ZMAT3: variants seen among roughly 807,000 people sequenced by gnomAD.
ZMAT3 encodes the protein zinc finger matrin-type protein 3.
ZMAT3 carries 17 observed loss-of-function variants against 32.3 expected under a neutral mutation model. The observed-to-expected ratio is 0.53, with a 90% CI of 0.36 to 0.79. ZMAT3 has a LOEUF of 0.79. Ranked by LOEUF, ZMAT3 falls within the 30% of genes least tolerant of loss-of-function variation. The probability of loss-of-function intolerance (pLI) is 0.00; values close to 1 mark genes in which losing one functional copy is unlikely to be tolerated. For synonymous variants in ZMAT3, 120 were observed against 133.1 expected (o/e 0.90, Z 0.68); for missense variants, 329 against 359.7 (o/e 0.91, Z 0.69).
chr3:179,020,217 G>A lies in ZMAT3; in HGVS notation c.*4800C>T, dbSNP rs1718475450. On this transcript the variant is annotated 3_prime_UTR_variant, in exon 6 of 6. Transcript: ENST00000311417. ...CTTGCTAAAGGCACTCAGATTCTGG[G>A]CTTAACGGAGACAAGGTCACATGGG... 1 of 152,102 alleles carries A rather than the reference G, an allele frequency of 6.6e-6. No individual in the cohort carries two copies. Among genetic ancestry groups the A allele is most frequent in the African/African-American group, 2.4e-5 (1 of 41,412 alleles). 9.4% of individuals were successfully genotyped at this position (152,102 alleles called of 1,614,324 possible). A position where few individuals can be genotyped will look rare whatever the true frequency, so the allele number is the denominator to read the frequency against.
At chr3:179,026,292 A>C (rs1718863146) in intron 5 of ZMAT3, among the ~76,000 whole-genome samples, 1 of 151,452 alleles carries the variant, frequency 6.6e-6, no homozygotes, top group South Asian at 2.1e-4. Context: ...CTTTCATCCA[A>C]TTTAACATTT....
intron 2 of ZMAT3, among the ~76,000 whole-genome samples, chr3:179,032,880 C>T (rs904969164): frequency 6.0e-5 from 9 of 150,926 alleles, no homozygotes; most frequent in Admixed American, 5.3e-4. Flanking sequence ...GGGCAGCCCC[C>T]GCCCGGCCGC....
intron 2 of ZMAT3, among the ~76,000 whole-genome samples, chr3:179,043,756 C>A (rs1421468360): frequency 6.6e-6 from 1 of 152,100 alleles, no homozygotes; most frequent in Non-Finnish European, 1.5e-5. Context: ...TTCTGCACAG[C>A]AAAAGAAACT....
In ZMAT3 at chr3:179,067,530, A is replaced by G; in HGVS notation, c.223T>C (p.Cys75Arg). 1 of 1,614,236 alleles carries G rather than the reference A, an allele frequency of 6.2e-7. No individual in the cohort carries two copies. The highest frequency in any genetic ancestry group is 8.5e-7 in the Non-Finnish European group (1 of 1,180,036). The change falls in exon 2 of 6, where the codon TGC (cysteine) becomes CGC (arginine). Residue 75 changes from cysteine (C) to arginine (R), a missense_variant. Transcript: ENST00000311417. ...ELCKPLYCKL[C>R]NVTLNSAQQA... ...TGTGCAGAGTTCAAGGTGACATTGCAGAGTTTGCAGTACAGGGGCTTACAT... is the reference window on the plus strand; with the variant it reads ...TGTGCAGAGTTCAAGGTGACATTGCGGAGTTTGCAGTACAGGGGCTTACAT...
chr3:179,063,189 A>G (rs931773435), intron 2 of ZMAT3, among the ~76,000 whole-genome samples: 2 of 152,234 alleles, frequency 1.3e-5, no homozygotes, highest in Non-Finnish European at 2.9e-5. Flanking sequence ...TTCTCAGTCC[A>G]CTGCAAGTCC....
intron 2 of ZMAT3, among the ~76,000 whole-genome samples, chr3:179,048,637 A>G (rs1452633238): frequency 6.6e-6 from 1 of 152,226 alleles, no homozygotes. Context: ...CTACCAAGCC[A>G]GCATTACAAG....
chr3:179,046,430 G>A lies in ZMAT3; in HGVS notation c.271-15431C>T, dbSNP rs1179964635. On this transcript the variant is annotated intron_variant, in intron 2 of 5. Transcript: ENST00000311417. The surrounding 1 kb of genome is among the most constrained non-coding windows in gnomAD (Gnocchi z 4.3). ...CTCCCACTCAGATGGACAGAGCAGT[G>A]TGTGGAGACCCATATCATGAAATTT... 2.0e-5 allele frequency among the ~76,000 whole-genome samples: 3 copies of A among 152,228 alleles called. No individual in the cohort carries two copies. Among genetic ancestry groups the A allele is most frequent in the Non-Finnish European group, 4.4e-5 (3 of 68,040 alleles).
intron 2 of ZMAT3, among the ~76,000 whole-genome samples, chr3:179,036,946 C>G (rs114795308): frequency 1.3e-5 from 2 of 152,122 alleles, no homozygotes; most frequent in Non-Finnish European, 2.9e-5. Context: ...CCAATCAGCA[C>G]GCACTCCCCC....
At chr3:179,034,588 A>G (rs979901111) in intron 2 of ZMAT3, among the ~76,000 whole-genome samples, 5 of 152,094 alleles carry the variant, frequency 3.3e-5, no homozygotes, top group African/African-American at 9.7e-5. Flanking sequence ...CAAATCATCA[A>G]TCTCCATCTT....
Position 179,024,866 on chromosome 3 carries a change from A to AC in ZMAT3, c.*150_*151insG. 9.4e-6 allele frequency: 4 copies of AC among 424,758 alleles called. No homozygotes were observed. Among genetic ancestry groups the AC allele is most frequent in the Non-Finnish European group, 1.3e-5 (3 of 238,454 alleles). 26.3% of individuals were successfully genotyped at this position (424,758 alleles called of 1,614,324 possible). ...CCCCCCGCCCCGCCCCCGGGCCCCC[A>AC]GGTTTTGACATCTCATGGTACCACT... On this transcript the variant is annotated 3_prime_UTR_variant, in exon 6 of 6. Transcript: ENST00000311417.
At chr3:179,027,329 A>G in intron 5 of ZMAT3, 94 bp downstream of exon 5, 1 of 1,157,224 alleles carries the variant, frequency 8.6e-7, no homozygotes, top group Non-Finnish European at 1.2e-6. Context: ...ACTAACTCCA[A>G]ATTCTCAGGG....
intron 2 of ZMAT3, among the ~76,000 whole-genome samples, chr3:179,064,680 C>A (rs1721316583): frequency 1.3e-5 from 2 of 152,198 alleles, no homozygotes; most frequent in Admixed American, 1.3e-4. Context: ...ATCTTCCCGC[C>A]TCAGCCTCCC....
At chr3:179,038,968 A>C (rs1185441607) in intron 2 of ZMAT3, among the ~76,000 whole-genome samples, 1 of 152,270 alleles carries the variant, frequency 6.6e-6, no homozygotes, top group Non-Finnish European at 1.5e-5. Flanking sequence ...CTAGCGCAGC[A>C]GTCTGAGATC....
intron 2 of ZMAT3, among the ~76,000 whole-genome samples, chr3:179,060,029 A>T (rs756505508): frequency 2.0e-5 from 3 of 152,106 alleles, no homozygotes; most frequent in Non-Finnish European, 2.9e-5. Context: ...GCACAGTGGG[A>T]GGGACAATGA....
chr3:179,052,683 A>C (rs1280135575), intron 2 of ZMAT3, among the ~76,000 whole-genome samples: 1 of 152,204 alleles, frequency 6.6e-6, no homozygotes, highest in Non-Finnish European at 1.5e-5. Flanking sequence ...CATTACACGA[A>C]AAAGATACTT....
intron 1 of ZMAT3, chr3:179,071,179 C>A (rs1721693091): frequency 6.6e-6 from 1 of 152,206 alleles, no homozygotes; most frequent in African/African-American, 2.4e-5. Context: ...GGTGAATTGG[C>A]GAATGTTTTT....
intron 2 of ZMAT3, among the ~76,000 whole-genome samples, chr3:179,058,355 C>T (rs1405834775): frequency 6.6e-6 from 1 of 152,260 alleles, no homozygotes; most frequent in Admixed American, 6.5e-5. Flanking sequence ...TAGAACATAA[C>T]TGTCAACAAG....
In ZMAT3 at chr3:179,025,180, A is replaced by C; in HGVS notation, c.707T>G (p.Leu236Arg). Reference protein sequence around the residue: ...PRSRQRIPRDLAMCVTPSGQF... With the variant: ...PRSRQRIPRDRAMCVTPSGQF... ...GCCACTTGGAGTAACACACATGGCCAGATCACGTGGAATTCTCTGCCGAGA... is the reference window on the plus strand; with the variant it reads ...GCCACTTGGAGTAACACACATGGCCCGATCACGTGGAATTCTCTGCCGAGA... The change falls in exon 6 of 6, where the codon CTG becomes CGG. Residue 236 changes from leucine to arginine, a missense_variant. Coordinates refer to ENST00000311417, the MANE Select transcript of ZMAT3 (RefSeq NM_022470.4). The C allele has an allele frequency of 1.2e-6, 2 of 1,614,246 alleles. No individual in the cohort carries two copies. The highest frequency in any genetic ancestry group is 1.7e-6 in the Non-Finnish European group (2 of 1,180,048).
At chr3:179,067,021 A>C (rs982916211) in intron 2 of ZMAT3, among the ~76,000 whole-genome samples, 5 of 152,256 alleles carry the variant, frequency 3.3e-5, no homozygotes, top group East Asian at 3.8e-4. Context: ...AATGGAAAGC[A>C]TAAGAGTCAT....
Sources: gnomAD v4.1 joint callset for allele counts (sites outside exome capture counted in the v4.1 genomes callset) on GRCh38, gnomAD v4.1.1 for gene constraint, Gnocchi (gnomAD v3.1) non-coding constraint, MANE v1.5 for transcripts, NCBI Gene and HGNC (gene_info 2026-07-23, HGNC 2026-07-21) for gene names.